NBEAL1: variants seen among roughly 807,000 people sequenced by gnomAD.
NBEAL1 encodes the protein neurobeachin-like protein 1.
NBEAL1 carries 273 observed loss-of-function variants against 351.3 expected under a neutral mutation model. The observed-to-expected ratio is 0.78, with a 90% CI of 0.70 to 0.86. The LOEUF (loss-of-function observed/expected upper bound fraction) is 0.86. Among genes scored for constraint, NBEAL1 ranks in the 40% least tolerant of loss-of-function variants. The probability of loss-of-function intolerance (pLI) is 0.00; values close to 1 mark genes in which losing one functional copy is unlikely to be tolerated. For missense variants in NBEAL1, 2,961 were observed against 3,201.3 expected (o/e 0.92, Z 1.81); for synonymous variants, 1,050 against 1,086.4 (o/e 0.97, Z 0.66).
rs754925575 is a variant in NBEAL1, at chr2:203,224,228, C to T, written c.*6874C>T. ...AAAGACTGTGATTGATGAACATCAC[C>T]AAACTTTTTTTGTGGCAAACTGCTT... is the stretch of plus-strand genomic sequence containing the variant. On this transcript the variant is annotated 3_prime_UTR_variant, in exon 56 of 56. Transcript: ENST00000683969. Among the ~76,000 whole-genome samples, 7 of 151,846 alleles carry T rather than the reference C, an allele frequency of 4.6e-5. No individual in the cohort carries two copies. The highest frequency in any genetic ancestry group is 8.8e-5 in the Non-Finnish European group (6 of 67,874).
chr2:203,091,887 T>C (rs1336352018), intron 10 of NBEAL1, among the ~76,000 whole-genome samples: 1 of 152,232 alleles, frequency 6.6e-6, no homozygotes, highest in South Asian at 2.1e-4. Flanking sequence ...GTGTGAGCAT[T>C]TGATGCATGT....
At chr2:203,042,234 C>G (rs2061153712) in intron 3 of NBEAL1, among the ~76,000 whole-genome samples, 1 of 152,260 alleles carries the variant, frequency 6.6e-6, no homozygotes, top group Non-Finnish European at 1.5e-5. Flanking sequence ...ATTCTGGGTT[C>G]TCACACCTCC....
At chr2:203,216,784 ATTG>A (rs774427729) in intron 55 of NBEAL1, among the ~76,000 whole-genome samples, 4 of 152,022 alleles carry the variant, frequency 2.6e-5, no homozygotes, top group South Asian at 2.1e-4. Context: ...CATTATTATT[ATTG>A]TTATTATTAT....
intron 34 of NBEAL1, 63 bp downstream of exon 34, chr2:203,149,211 G>T (rs758215421): frequency 4.6e-5 from 57 of 1,236,020 alleles, no homozygotes; most frequent in Non-Finnish European, 6.0e-5. Context: ...AGAAATTTTT[G>T]AGCAAATGCC....
chr2:203,018,335 A>C (rs1574851490), intron 2 of NBEAL1, among the ~76,000 whole-genome samples: 1 of 151,938 alleles, frequency 6.6e-6, no homozygotes, highest in East Asian at 1.9e-4. Flanking sequence ...TTCTTATGAA[A>C]ATATTTTCTA....
intron 29 of NBEAL1, 28 bp downstream of exon 29, chr2:203,136,802 C>T (rs767848481): frequency 1.0e-5 from 16 of 1,598,540 alleles, no homozygotes; most frequent in Non-Finnish European, 1.3e-5. Context: ...GATTTTCCAT[C>T]CTCCTTTTGG....
At chr2:203,141,695 A>G (rs1196384373) in intron 31 of NBEAL1, among the ~76,000 whole-genome samples, 1 of 151,838 alleles carries the variant, frequency 6.6e-6, no homozygotes, top group Non-Finnish European at 1.5e-5. Context: ...GATGAGACTG[A>G]TTCTGTCTAC....
In NBEAL1 at chr2:203,201,708, G is replaced by A; in HGVS notation, c.7404G>A (p.Arg2468=). The A allele has an allele frequency of 6.3e-7, 1 of 1,590,140 alleles. No homozygotes were observed. Among genetic ancestry groups the A allele is most frequent in the Non-Finnish European group, 8.6e-7 (1 of 1,167,008 alleles). Residue 2468 remains arginine (R), a synonymous_variant, in exon 50 of 56, where the codon CGG becomes CGA. Transcript: ENST00000683969. ...TKGKIISHII[R]HMDIVTCLAT... Reference sequence around the variant, plus strand: ...GCAAAATTATCTCACACATCATCCGGCATATGGGTAAGCATTAGCTTTTTT... The same window carrying A: ...GCAAAATTATCTCACACATCATCCGACATATGGGTAAGCATTAGCTTTTTT...
At chr2:203,140,713 A>G (rs2063345849) in intron 31 of NBEAL1, among the ~76,000 whole-genome samples, 1 of 152,186 alleles carries the variant, frequency 6.6e-6, no homozygotes, top group Admixed American at 6.5e-5. Flanking sequence ...TAGTAATTCT[A>G]CTCTGAAACT....
chr2:203,217,209 TTTC>T, intron 55 of NBEAL1, 41 bp from the exon 56 acceptor site: 2 of 1,406,306 alleles, frequency 1.4e-6, no homozygotes, highest in Non-Finnish European at 1.9e-6. Context: ...TTTTTAATTT[TTTC>T]TTAATATTTA....
In NBEAL1 at chr2:203,099,630, T is replaced by C. The variant is rs1318022063; in HGVS notation, c.1187T>C (p.Val396Ala). The C allele has an allele frequency of 6.5e-7, 1 of 1,540,504 alleles. No homozygotes were observed. Among genetic ancestry groups the C allele is most frequent in the Non-Finnish European group, 8.8e-7 (1 of 1,141,056 alleles). ...KLLTEMNEDQ[V>A]FQGQLDCLAI... ...TTGTTTCCCCTTCCCCCTCAATAGG[T>C]GTTTCAGGGACAATTGGATTGTTTG... Residue 396 changes from valine (V) to alanine (A), a missense_variant and splice_region_variant, in exon 12 of 56, where the codon GTG (valine) becomes GCG (alanine). By Grantham distance (64) the Val-to-Ala change is moderately conservative (BLOSUM62 0). Coordinates refer to ENST00000683969, the MANE Select transcript of NBEAL1 (RefSeq NM_001378026.1).
chr2:203,127,889 G>T lies in NBEAL1; in HGVS notation c.3357G>T (p.Glu1119Asp), dbSNP rs371670930. 3.2e-5 allele frequency: 49 copies of T among 1,552,528 alleles called. No homozygotes were observed. Among genetic ancestry groups the T allele is most frequent in the Non-Finnish European group, 4.1e-5 (47 of 1,146,320 alleles). Residue 1119 changes from glutamate (E) to aspartate (D), a missense_variant, in exon 24 of 56, where the codon GAG becomes GAT. Coordinates refer to ENST00000683969, the MANE Select transcript of NBEAL1 (RefSeq NM_001378026.1). ...YFLCKGGSHEEIQSIMGYIAA... is the reference protein window; with the variant it reads ...YFLCKGGSHEDIQSIMGYIAA... ...TGTGCAAAGGTGGATCTCATGAAGA[G>T]ATACAAAGTATTATGGGGTACATAG...
chr2:203,068,295 C>T, intron 6 of NBEAL1, 98 bp from the exon 7 acceptor site: 1 of 575,132 alleles, frequency 1.7e-6, no homozygotes, highest in Non-Finnish European at 3.0e-6. Flanking sequence ...AGACACAAAT[C>T]AAAAGTAATA....
intron 12 of NBEAL1, among the ~76,000 whole-genome samples, chr2:203,107,027 T>G (rs2062454687): frequency 6.6e-6 from 1 of 152,208 alleles, no homozygotes; most frequent in Non-Finnish European, 1.5e-5. Context: ...TAGGCTGATA[T>G]CTGACTCCTC....
At chr2:203,099,891 C>T (rs761038197) in intron 12 of NBEAL1, among the ~76,000 whole-genome samples, 179 bp downstream of exon 12, 4 of 152,104 alleles carry the variant, frequency 2.6e-5, no homozygotes, top group Non-Finnish European at 5.9e-5. Flanking sequence ...TCTTCCCGCT[C>T]CTCCTTCCTT....
intron 15 of NBEAL1, among the ~76,000 whole-genome samples, 200 bp from the exon 16 acceptor site, chr2:203,111,779 T>C (rs1344290282): frequency 2.0e-5 from 3 of 152,230 alleles, no homozygotes; most frequent in Non-Finnish European, 2.9e-5. Flanking sequence ...GTTACAATTG[T>C]GTATATTTTA....
Position 203,133,210 on chromosome 2 carries a change from T to C in NBEAL1, c.3813+64T>C, listed in dbSNP as rs532070890. The C allele has an allele frequency of 1.9e-5, 12 of 640,272 alleles. No homozygotes were observed. The South Asian group carries it at 3.7e-4, about 20-fold the overall frequency. The allele number at this position is 640,272 out of a possible 1,614,324, so 39.7% of individuals were successfully genotyped here. ...ATCACCATCATGCTATAAATAACTT[T>C]GCATTATTTTGCAGCAGATACAAGT... On this transcript the variant is annotated intron_variant, in intron 27 of 55. Coordinates refer to ENST00000683969, the MANE Select transcript of NBEAL1 (RefSeq NM_001378026.1).
At chr2:203,165,895 T>A (rs1230629794) in intron 36 of NBEAL1, among the ~76,000 whole-genome samples, 1 of 151,980 alleles carries the variant, frequency 6.6e-6, no homozygotes, top group Non-Finnish European at 1.5e-5. Context: ...ATATAAAAAT[T>A]AGCTGGGCAT....
At chr2:203,194,548 A>G (rs1057115786) in intron 47 of NBEAL1, among the ~76,000 whole-genome samples, 2 of 152,052 alleles carry the variant, frequency 1.3e-5, no homozygotes, top group Non-Finnish European at 2.9e-5. Context: ...AGGTTGGTAA[A>G]CTCTTTCTTG....
Sources: gnomAD v4.1 joint callset for allele counts (sites outside exome capture counted in the v4.1 genomes callset) on GRCh38, gnomAD v4.1.1 for gene constraint, MANE v1.5 for transcripts, NCBI Gene and HGNC (gene_info 2026-07-23, HGNC 2026-07-21) for gene names.